Variants in SEPTIN6 observed in about 807,000 individuals in gnomAD.
SEPTIN6 encodes the protein septin 6.
SEPTIN6 carries 8 observed loss-of-function variants against 33.6 expected under a neutral mutation model. The ratio of observed to expected loss-of-function variants is 0.24; its 90% CI spans 0.14 to 0.43. SEPTIN6 has a LOEUF of 0.43. Among genes scored for constraint, SEPTIN6 ranks in the 20% least tolerant of loss-of-function variants. The pLI is 1.00. For synonymous variants in SEPTIN6, 131 were observed against 140.0 expected, an observed-to-expected ratio of 0.94 and a Z score of 0.45; for missense variants, 250 against 340.8, an observed-to-expected ratio of 0.73 and a Z score of 2.10.
chrX:119,640,685 C>T lies in SEPTIN6; in HGVS notation c.787+7G>A. On this transcript the variant is annotated splice_region_variant and intron_variant, in intron 6 of 10. Coordinates refer to ENST00000394610, the MANE Select transcript of SEPTIN6 (RefSeq NM_145799.4). Reference sequence around the variant, plus strand: ...CTGTGTGTAGCCCTTCCCGGAGACTCACTCACCCTGCACAGTGCCCCAAGG... The same window carrying T: ...CTGTGTGTAGCCCTTCCCGGAGACTTACTCACCCTGCACAGTGCCCCAAGG... 8.4e-7 allele frequency: 1 copy of T among 1,196,402 alleles called. No individual in the cohort carries two copies. Among genetic ancestry groups the T allele is most frequent in the African/African-American group, 1.7e-5 (1 of 57,538 alleles).
chrX:119,692,731 C>T (rs1316568501), intron 1 of SEPTIN6, among the ~76,000 whole-genome samples: 1 of 112,747 alleles, frequency 8.9e-6, no homozygotes, highest in Non-Finnish European at 1.9e-5. Flanking sequence ...CCGGAGGGCT[C>T]GGCGGCTCCT....
At chrX:119,636,346 C>T (rs1171920920) in intron 7 of SEPTIN6, among the ~76,000 whole-genome samples, 1 of 112,033 alleles carries the variant, frequency 8.9e-6, no homozygotes, top group Non-Finnish European at 1.9e-5. Context: ...ATAGATCAGA[C>T]ACTTCTACTT....
chrX:119,683,226 C>T, intron 1 of SEPTIN6, among the ~76,000 whole-genome samples: 1 of 112,487 alleles, frequency 8.9e-6, no homozygotes, highest in Non-Finnish European at 1.9e-5. Context: ...GCACTCCAGT[C>T]TGGGCAACAG....
intron 8 of SEPTIN6, among the ~76,000 whole-genome samples, chrX:119,630,810 T>C (rs933703159): frequency 9.2e-6 from 1 of 109,239 alleles, no homozygotes; most frequent in African/African-American, 3.3e-5. Context: ...GGAGAATCAC[T>C]TGAACCCGGG....
chrX:119,678,651 G>T (rs1171779796), intron 1 of SEPTIN6, among the ~76,000 whole-genome samples: 1 of 111,946 alleles, frequency 8.9e-6, no homozygotes, highest in African/African-American at 3.2e-5. Flanking sequence ...AACAAAGTAA[G>T]ATGCAAGATT....
intron 6 of SEPTIN6, among the ~76,000 whole-genome samples, chrX:119,639,876 T>C (rs7878194): frequency 0.25 from 27,521 of 110,101 alleles, 2,691 homozygotes; most frequent in African/African-American, 0.34. Context: ...AAATCTCAGC[T>C]CACTGCAATC....
chrX:119,692,317 C>T (rs901503919), intron 1 of SEPTIN6, among the ~76,000 whole-genome samples: 1 of 108,619 alleles, frequency 9.2e-6, no homozygotes, highest in Non-Finnish European at 1.9e-5. Flanking sequence ...ACCTACAGGC[C>T]AGCCAACTGC....
rs1182747536 is a variant in SEPTIN6 at position 119,619,919 on chromosome X, T to C, written c.*174A>G. On this transcript the variant is annotated 3_prime_UTR_variant, in exon 11 of 11. Coordinates refer to ENST00000394610, the MANE Select transcript of SEPTIN6 (RefSeq NM_145799.4). ...CATCACCCTCAGATTCTCAGGTTTC[T>C]ATAAACCTTGGCAGGAAGAGAGGAG... is the stretch of plus-strand genomic sequence containing the variant. The C allele has an allele frequency of 2.6e-6, 3 of 1,143,535 alleles. No individual in the cohort carries two copies. The highest frequency in any genetic ancestry group is 6.4e-5 in the Admixed American group (2 of 31,463). 94.2% of individuals were successfully genotyped at this position (1,143,535 alleles called of 1,213,427 possible).
Position 119,617,793 on chromosome X carries a change from G to A in SEPTIN6, c.*2300C>T. 1.3e-6 allele frequency: 1 copy of A among 789,625 alleles called. No homozygotes were observed. The highest frequency in any genetic ancestry group is 2.2e-5 in the African/African-American group (1 of 46,026). The allele number at this position is 789,625 out of a possible 1,213,427, so 65.1% of individuals were successfully genotyped here. A position where few individuals can be genotyped will look rare whatever the true frequency, so the allele number is the denominator to read the frequency against. On this transcript the variant is annotated 3_prime_UTR_variant, in exon 11 of 11. Coordinates refer to ENST00000394610, the MANE Select transcript of SEPTIN6 (RefSeq NM_145799.4). ...CTGGGCCTTCATTTCCCCTTACGGA[G>A]TAAGTAGGTTATATCGTCTTACTGA...
At chrX:119,671,655 T>C (rs1181438299) in intron 2 of SEPTIN6, among the ~76,000 whole-genome samples, 1 of 109,705 alleles carries the variant, frequency 9.1e-6, no homozygotes, top group Non-Finnish European at 1.9e-5. Flanking sequence ...TAGTCCCAGC[T>C]ACTCAGGAGG....
intron 4 of SEPTIN6, among the ~76,000 whole-genome samples, chrX:119,650,790 A>G (rs1342681200): frequency 9.0e-6 from 1 of 111,568 alleles, no homozygotes; most frequent in Admixed American, 9.6e-5. Context: ...GTGAGGAAGA[A>G]CCTATAGTTA....
chrX:119,646,363 C>A (rs1003878382), intron 5 of SEPTIN6, among the ~76,000 whole-genome samples: 4 of 111,983 alleles, frequency 3.6e-5, no homozygotes, highest in African/African-American at 1.3e-4. Context: ...AACCAAACCC[C>A]AGACCTCACA....
chrX:119,660,514 G>T (rs756253915), intron 3 of SEPTIN6, among the ~76,000 whole-genome samples: 8 of 111,761 alleles, frequency 7.2e-5, no homozygotes, highest in Non-Finnish European at 1.1e-4. Flanking sequence ...TGCCTCTGAG[G>T]CGCAGTATCT....
intron 1 of SEPTIN6, among the ~76,000 whole-genome samples, chrX:119,676,606 C>CA (rs916228283): frequency 9.0e-6 from 1 of 111,361 alleles, no homozygotes; most frequent in Non-Finnish European, 1.9e-5. Flanking sequence ...AACATCTCTA[C>CA]AAAAAATCAA....
Position 119,617,443 on chromosome X carries a change from T to C in SEPTIN6, c.*2650A>G, listed in dbSNP as rs904745076. ...GATTATAAGGGTCACCTAGGGCACC[T>C]GTTACACACAGTCTCCTGGACCCCG... On this transcript the variant is annotated 3_prime_UTR_variant, in exon 11 of 11. Transcript: ENST00000394610. 1.5e-5 allele frequency: 12 copies of C among 801,908 alleles called. No individual in the cohort carries two copies. The Admixed American group carries it at 2.3e-4, about 16-fold the overall frequency. 66.1% of individuals were successfully genotyped at this position (801,908 alleles called of 1,213,427 possible).
At chrX:119,667,768 G>C (rs1305818444) in intron 2 of SEPTIN6, among the ~76,000 whole-genome samples, 1 of 110,103 alleles carries the variant, frequency 9.1e-6, no homozygotes, top group Non-Finnish European at 1.9e-5. Flanking sequence ...CAGGAAGGTG[G>C]AGACTTGGCA....
chrX:119,619,530 G>A lies in SEPTIN6; in HGVS notation c.*563C>T. 4.9e-6 allele frequency: 4 copies of A among 817,408 alleles called. No homozygotes were observed. In the South Asian group the frequency reaches 1.9e-4, roughly 40 times the overall value. The allele number at this position is 817,408 out of a possible 1,213,427, so 67.4% of individuals were successfully genotyped here. On this transcript the variant is annotated 3_prime_UTR_variant, in exon 11 of 11. Coordinates refer to ENST00000394610, the MANE Select transcript of SEPTIN6 (RefSeq NM_145799.4). ...AAGGGCTGGACTCAAAGGTTAGAAG[G>A]AAAAGGCGCCAAAGGCTGTCCTTTT... is the stretch of plus-strand genomic sequence containing the variant.
chrX:119,684,569 C>A (rs1224243055), intron 1 of SEPTIN6, among the ~76,000 whole-genome samples: 2 of 102,952 alleles, frequency 1.9e-5, no homozygotes, highest in Non-Finnish European at 3.9e-5. Context: ...CAGCTCATTG[C>A]AACCTCCGTC....
chrX:119,692,813 C>T (rs772031317), intron 1 of SEPTIN6, among the ~76,000 whole-genome samples: 2 of 112,218 alleles, frequency 1.8e-5, no homozygotes, highest in African/African-American at 6.4e-5. Flanking sequence ...GCGCTCACTG[C>T]GGCTCTTGGG....
Sources: gnomAD v4.1 joint callset for allele counts (sites outside exome capture counted in the v4.1 genomes callset) on GRCh38, gnomAD v4.1.1 for gene constraint, MANE v1.5 for transcripts, NCBI Gene and HGNC (gene_info 2026-07-23, HGNC 2026-07-21) for gene names.